OSTN: variants seen among roughly 807,000 people sequenced by gnomAD.
The protein encoded by OSTN is osteocrin.
OSTN carries 9 observed loss-of-function variants against 12.0 expected under a neutral mutation model. The observed-to-expected ratio is 0.75, with a 90% CI of 0.45 to 1.30. The LOEUF (loss-of-function observed/expected upper bound fraction) is 1.30, where lower values mean the gene tolerates loss of function less well. OSTN is among the 50% of genes most tolerant of loss of function. The pLI is 0.00. For synonymous variants in OSTN, 59 were observed against 56.9 expected, an observed-to-expected ratio of 1.04 and a Z score of -0.16; for missense variants, 148 against 152.3, an observed-to-expected ratio of 0.97 and a Z score of 0.15.
At chr3:191,212,494 A>G in intron 1 of OSTN, 39 bp from the exon 2 acceptor site, 1 of 1,391,114 alleles carries the variant, frequency 7.2e-7, no homozygotes, top group Non-Finnish European at 9.9e-7. Flanking sequence ...TTTACATTCC[A>G]AACGAATCAA....
chr3:191,219,535 T>C (rs1338019665), intron 3 of OSTN, among the ~76,000 whole-genome samples: 1 of 152,178 alleles, frequency 6.6e-6, no homozygotes. Context: ...AAAATTCAAA[T>C]GAGATAATCA....
At chr3:191,259,522 A>G (rs1333747628) in intron 4 of OSTN, among the ~76,000 whole-genome samples, 1 of 151,070 alleles carries the variant, frequency 6.6e-6, no homozygotes, top group African/African-American at 2.4e-5. Flanking sequence ...ACCAAAATAC[A>G]CTCCCTGGTA....
Position 191,262,914 on chromosome 3 carries a change from C to A in OSTN, c.*61C>A, listed in dbSNP as rs1187833304. 1.4e-6 allele frequency: 1 copy of A among 701,872 alleles called. No homozygotes were observed. Among genetic ancestry groups the A allele is most frequent in the Non-Finnish European group, 2.6e-6 (1 of 384,286 alleles). 43.5% of individuals were successfully genotyped at this position (701,872 alleles called of 1,614,324 possible). A position where few individuals can be genotyped will look rare whatever the true frequency, so the allele number is the denominator to read the frequency against. On this transcript the variant is annotated 3_prime_UTR_variant, in exon 5 of 5. Transcript: ENST00000682035. Reference sequence around the variant, plus strand: ...TCACAGCAATATGGAAGATGCTTCACTGAAGTTATTCACACTTCTTAATGA... The same window carrying A: ...TCACAGCAATATGGAAGATGCTTCAATGAAGTTATTCACACTTCTTAATGA...
At chr3:191,243,437 A>G (rs553855530) in intron 3 of OSTN, among the ~76,000 whole-genome samples, 1 of 152,298 alleles carries the variant, frequency 6.6e-6, no homozygotes, top group East Asian at 1.9e-4. Flanking sequence ...TCACACAATG[A>G]AATATTATAC....
intron 1 of OSTN, among the ~76,000 whole-genome samples, chr3:191,206,987 A>G (rs1241071350): frequency 6.6e-6 from 1 of 152,136 alleles, no homozygotes; most frequent in East Asian, 1.9e-4. Context: ...CATTATTTCA[A>G]TGGGAGAAGA....
intron 4 of OSTN, 58 bp from the exon 5 acceptor site, chr3:191,262,808 T>G: frequency 1.4e-6 from 1 of 697,060 alleles, no homozygotes. Flanking sequence ...TTGATGGACT[T>G]CCACCTGATC....
At chr3:191,259,469 G>A (rs1715753386) in intron 4 of OSTN, among the ~76,000 whole-genome samples, 1 of 150,982 alleles carries the variant, frequency 6.6e-6, no homozygotes, top group African/African-American at 2.4e-5. Flanking sequence ...CCGAAGTGCT[G>A]GGATTACAGG....
At chr3:191,256,990 C>T (rs1715686683) in intron 4 of OSTN, among the ~76,000 whole-genome samples, 1 of 151,944 alleles carries the variant, frequency 6.6e-6, no homozygotes, top group South Asian at 2.1e-4. Context: ...TGAAACGAGC[C>T]TTGGCAACAA....
chr3:191,204,786 G>C (rs1714230719), intron 1 of OSTN, among the ~76,000 whole-genome samples: 1 of 152,074 alleles, frequency 6.6e-6, no homozygotes, highest in South Asian at 2.1e-4. Context: ...TATCCTTTTG[G>C]TTTTTTCAAT....
intron 4 of OSTN, among the ~76,000 whole-genome samples, chr3:191,257,664 A>G (rs541293916): frequency 6.6e-6 from 1 of 152,272 alleles, no homozygotes; most frequent in South Asian, 2.1e-4. Flanking sequence ...TCAAGCAACA[A>G]TTTTTTGGCC....
chr3:191,235,693 G>A (rs922877865), intron 3 of OSTN, among the ~76,000 whole-genome samples: 2 of 152,108 alleles, frequency 1.3e-5, no homozygotes, highest in African/African-American at 4.8e-5. Flanking sequence ...ACCACCATCA[G>A]CATCCTGATG....
intron 1 of OSTN, among the ~76,000 whole-genome samples, chr3:191,212,087 T>A (rs1161653416): frequency 2.6e-5 from 4 of 152,232 alleles, no homozygotes; most frequent in Non-Finnish European, 4.4e-5. Flanking sequence ...GTGGGTGTTT[T>A]GAAATTTTGA....
chr3:191,219,489 T>C (rs1714710497), intron 3 of OSTN, among the ~76,000 whole-genome samples: 1 of 152,226 alleles, frequency 6.6e-6, no homozygotes, highest in African/African-American at 2.4e-5. Flanking sequence ...CCTCAGCTTA[T>C]TTATGCATAA....
chr3:191,242,621 T>C (rs1176990534), intron 3 of OSTN, among the ~76,000 whole-genome samples: 1 of 152,180 alleles, frequency 6.6e-6, no homozygotes, highest in East Asian at 1.9e-4. Flanking sequence ...TCGGAACTCC[T>C]GGACTCAAGG....
intron 1 of OSTN, among the ~76,000 whole-genome samples, chr3:191,201,294 A>G (rs1382002365): frequency 1.3e-5 from 2 of 151,726 alleles, no homozygotes; most frequent in African/African-American, 2.4e-5. Context: ...AACAATTTCT[A>G]TATTATTATC....
intron 3 of OSTN, among the ~76,000 whole-genome samples, chr3:191,234,845 C>G (rs967586616): frequency 2.2e-5 from 3 of 138,066 alleles, no homozygotes; most frequent in Non-Finnish European, 3.2e-5. Flanking sequence ...TTCTGTCTTC[C>G]CCAAATTATC....
At chr3:191,204,231 A>C (rs540206320) in intron 1 of OSTN, among the ~76,000 whole-genome samples, 104 of 152,276 alleles carry the variant, frequency 6.8e-4, no homozygotes, top group Non-Finnish European at 1.2e-3. Flanking sequence ...TAAATTTCTC[A>C]ATGTCAGCTT....
At chr3:191,261,645 G>A (rs1266953037) in intron 4 of OSTN, among the ~76,000 whole-genome samples, 12 of 152,048 alleles carry the variant, frequency 7.9e-5, no homozygotes, top group Non-Finnish European at 1.8e-4. Flanking sequence ...GTATATTTTG[G>A]GTAAAATATT....
chr3:191,246,671 GGAAGAGGAA>G (rs1164456987), intron 3 of OSTN, among the ~76,000 whole-genome samples: 17 of 150,930 alleles, frequency 1.1e-4, no homozygotes, highest in Admixed American at 9.3e-4. Context: ...AAGGGGAAGG[GGAAGAGGAA>G]GAAGAGGAAG....
Sources: allele counts gnomAD v4.1 joint callset (sites outside exome capture counted in the v4.1 genomes callset), GRCh38; gene constraint gnomAD v4.1.1; transcripts MANE v1.5; gene names NCBI Gene and HGNC (gene_info 2026-07-23, HGNC 2026-07-21).